The following NR4A2 variants were observed in gnomAD, a reference collection of about 807,000 sequenced individuals.
NR4A2 encodes the protein NGFI-B/nur77 beta-type transcription factor homolog.
In NR4A2, 1 loss-of-function variant was observed where a neutral mutation model predicts 50.5. The observed-to-expected ratio is 0.02, with a 90% confidence interval of 0.01 to 0.09. The LOEUF is 0.09. Among genes scored for constraint, NR4A2 ranks in the 10% least tolerant of loss-of-function variants. The pLI is 1.00. For missense variants in NR4A2, 613 were observed against 777.3 expected, an observed-to-expected ratio of 0.79 and a Z score of 2.51; for synonymous variants, 328 against 309.4, an observed-to-expected ratio of 1.06 and a Z score of -0.63.
chr2:156,326,827 G>C lies in NR4A2; in HGVS notation c.1252C>G (p.Arg418Gly). 6.2e-7 allele frequency: 1 copy of C among 1,614,232 alleles called. No homozygotes were observed. Among genetic ancestry groups the C allele is most frequent in the Non-Finnish European group, 8.5e-7 (1 of 1,180,032 alleles). The change falls in exon 6 of 8, where the codon CGG (arginine) becomes GGG (glycine). Residue 418 changes from arginine to glycine, a missense_variant. Arg to Gly is a moderately radical substitution (Grantham distance 125, BLOSUM62 -2). Coordinates refer to ENST00000339562, the MANE Select transcript of NR4A2 (RefSeq NM_006186.4). This position sits in a 1 kb window ranked among gnomAD's most constrained non-coding sequence, Gnocchi z 4.2. Reference sequence around the variant, plus strand: ...CCAGGGATCTTCTCTGCCCAGCCCCGGATGATCTCCATGGAGCCAGTCAGG... The same window carrying C: ...CCAGGGATCTTCTCTGCCCAGCCCCCGATGATCTCCATGGAGCCAGTCAGG... Reference protein sequence around the residue: ...DLLTGSMEIIRGWAEKIPGFA... With the variant: ...DLLTGSMEIIGGWAEKIPGFA...
At position 156,325,630 on chromosome 2, in the gene NR4A2, G is replaced by T. The variant is rs963921571; in HGVS notation, c.*114C>A. 70 of 1,321,766 alleles carry T rather than the reference G, an allele frequency of 5.3e-5. No homozygotes were observed. The highest frequency in any genetic ancestry group is 6.9e-5 in the Non-Finnish European group (63 of 916,244). 81.9% of individuals were successfully genotyped at this position (1,321,766 alleles called of 1,614,324 possible). A position where few individuals can be genotyped will look rare whatever the true frequency, so the allele number is the denominator to read the frequency against. Reference sequence around the variant, plus strand: ...AGGGGGCTAGGAGGGTTACAGAAATGGGGGGCAGCTTGAGCTGAGACTGCT... The same window carrying T: ...AGGGGGCTAGGAGGGTTACAGAAATTGGGGGCAGCTTGAGCTGAGACTGCT... On this transcript the variant is annotated 3_prime_UTR_variant, in exon 8 of 8. Transcript: ENST00000339562.
Position 156,328,579 on chromosome 2 carries a change from A to G in NR4A2, c.865-46T>C. ...GACCAACATTTTTTTTCTTCTTTTG[A>G]AAATCAGGCAACTCGGAGAAAATTT... On this transcript the variant is annotated intron_variant, in intron 3 of 7. Coordinates refer to ENST00000339562, the MANE Select transcript of NR4A2 (RefSeq NM_006186.4). This position sits in a 1 kb window ranked among gnomAD's most constrained non-coding sequence, Gnocchi z 4.9. 1 of 1,613,432 alleles carries G rather than the reference A, an allele frequency of 6.2e-7. No individual in the cohort carries two copies. The highest frequency in any genetic ancestry group is 1.3e-5 in the African/African-American group (1 of 75,028).
rs1157293142 is a variant in NR4A2 at position 156,324,697 on chromosome 2, A to T, written c.*1047T>A. On this transcript the variant is annotated 3_prime_UTR_variant, in exon 8 of 8. Coordinates refer to ENST00000339562, the MANE Select transcript of NR4A2 (RefSeq NM_006186.4). ...TCAAAGTGCTCAGTTATTTCCAGGG[A>T]GTTATGTATATTATAAGCACTCTGG... 6.6e-6 allele frequency: 1 copy of T among 152,618 alleles called. No individual in the cohort carries two copies. The highest frequency in any genetic ancestry group is 2.4e-5 in the African/African-American group (1 of 41,452). 9.5% of individuals were successfully genotyped at this position (152,618 alleles called of 1,614,324 possible).
chr2:156,328,560 C>T lies in NR4A2; in HGVS notation c.865-27G>A. On this transcript the variant is annotated intron_variant, in intron 3 of 7. Coordinates refer to ENST00000339562, the MANE Select transcript of NR4A2 (RefSeq NM_006186.4). The surrounding 1 kb of genome is among the most constrained non-coding windows in gnomAD (Gnocchi z 4.9). ...TGCAAAAGGAGACAATATAGACCAA[C>T]ATTTTTTTTCTTCTTTTGAAAATCA... 2 of 1,614,048 alleles carry T rather than the reference C, an allele frequency of 1.2e-6. No individual in the cohort carries two copies. The highest frequency in any genetic ancestry group is 1.1e-5 in the South Asian group (1 of 91,076).
rs984501010 is a variant in NR4A2 at position 156,327,928 on chromosome 2, G to T, written c.1081C>A (p.Pro361Thr). 1.3e-6 allele frequency: 2 copies of T among 1,595,184 alleles called. No individual in the cohort carries two copies. Among genetic ancestry groups the T allele is most frequent in the Admixed American group, 1.7e-5 (1 of 57,682 alleles). Reference protein sequence around the residue: ...SPQEPSPPSPPVSLISALVRA... With the variant: ...SPQEPSPPSPTVSLISALVRA... ...ACGAGGGCACTGATCAGACTCACCG[G>T]GGGCGAAGGGGGAGAGGGCTCCTGT... Residue 361 changes from proline (P) to threonine (T), a missense_variant, in exon 5 of 8, where the codon CCG (proline) becomes ACG (threonine). Transcript: ENST00000339562.
chr2:156,328,119 C>T lies in NR4A2; in HGVS notation c.995-105G>A. ...CGCAGCCGCGGGGCACCAGGCTGAGCGGCTGAGGGCCCCAGTGCTTGTAAA... is the reference window on the plus strand; with the variant it reads ...CGCAGCCGCGGGGCACCAGGCTGAGTGGCTGAGGGCCCCAGTGCTTGTAAA... On this transcript the variant is annotated intron_variant, in intron 4 of 7. Coordinates refer to ENST00000339562, the MANE Select transcript of NR4A2 (RefSeq NM_006186.4). This position sits in a 1 kb window ranked among gnomAD's most constrained non-coding sequence, Gnocchi z 4.9. The T allele has an allele frequency of 2.1e-6, 3 of 1,441,504 alleles. No homozygotes were observed. Among genetic ancestry groups the T allele is most frequent in the Non-Finnish European group, 2.9e-6 (3 of 1,050,106 alleles). The allele number at this position is 1,441,504 out of a possible 1,614,324, so 89.3% of individuals were successfully genotyped here. A position where few individuals can be genotyped will look rare whatever the true frequency, so the allele number is the denominator to read the frequency against.
Position 156,325,665 on chromosome 2 carries a change from A to G in NR4A2, c.*79T>C. 1 of 1,567,996 alleles carries G rather than the reference A, an allele frequency of 6.4e-7. No individual in the cohort carries two copies. The highest frequency in any genetic ancestry group is 8.8e-7 in the Non-Finnish European group (1 of 1,140,212). On this transcript the variant is annotated 3_prime_UTR_variant, in exon 8 of 8. Transcript: ENST00000339562. Reference sequence around the variant, plus strand: ...TTGAGCTGAGACTGCTCACACGGCTATCTCTGCCCATGTGACTTGCCCCCT... The same window carrying G: ...TTGAGCTGAGACTGCTCACACGGCTGTCTCTGCCCATGTGACTTGCCCCCT...
chr2:156,330,067 G>A lies in NR4A2; in HGVS notation c.120C>T (p.Val40=). 1 of 1,614,180 alleles carries A rather than the reference G, an allele frequency of 6.2e-7. No individual in the cohort carries two copies. Among genetic ancestry groups the A allele is most frequent in the Non-Finnish European group, 8.5e-7 (1 of 1,180,044 alleles). Residue 40 remains valine, a synonymous_variant, in exon 3 of 8, where the codon GTC becomes GTT. Transcript: ENST00000339562. ...YSSDFLTPEF[V]KFSMDLTNTE... is the part of the protein sequence containing the mutation. ...TGTTGGTGAGGTCCATGCTAAACTT[G>A]ACAAACTCTGGAGTTAAGAAATCGG... is the stretch of plus-strand genomic sequence containing the variant.
chr2:156,327,243 C>T lies in NR4A2; in HGVS notation c.1159-323G>A, dbSNP rs781233455. On this transcript the variant is annotated intron_variant, in intron 5 of 7. Transcript: ENST00000339562. ...TCCCAGAGTGGGCCTCGAGCTGAGA[C>T]GCCCTTTTGCAAATCTTAATAAAAT... Among the ~76,000 whole-genome samples the T allele has an allele frequency of 3.9e-5, 6 of 152,142 alleles. No individual in the cohort carries two copies. In the South Asian group the frequency reaches 6.2e-4, roughly 16 times the overall value.
chr2:156,327,738 C>T, intron 5 of NR4A2, 113 bp downstream of exon 5: 4 of 1,332,372 alleles, frequency 3.0e-6, no homozygotes, highest in Non-Finnish European at 4.2e-6. Context: ...GCATATACAG[C>T]CTTGCTTGCC....
In NR4A2 at chr2:156,328,424, G is replaced by A. The variant is rs1011299537; in HGVS notation, c.974C>T (p.Ala325Val). ...CCTACCTTCTTTGACCATCCCAACA[G>A]CCAGGCACTTCTGAAATCGGCAGTA... ...CQYCRFQKCL[A>V]VGMVKEVVRT... Residue 325 changes from alanine to valine, a missense_variant, in exon 4 of 8, where the codon GCT (alanine) becomes GTT (valine). Transcript: ENST00000339562. This position sits in a 1 kb window ranked among gnomAD's most constrained non-coding sequence, Gnocchi z 4.9. The A allele has an allele frequency of 9.9e-6, 16 of 1,614,108 alleles. No homozygotes were observed. Among genetic ancestry groups the A allele is most frequent in the Non-Finnish European group, 1.4e-5 (16 of 1,180,040 alleles).
intron 1 of NR4A2, 72 bp downstream of exon 1, chr2:156,332,408 T>C (rs1016197278): frequency 3.3e-6 from 4 of 1,208,712 alleles, no homozygotes; most frequent in Non-Finnish European, 4.4e-6. Context: ...CCCACACAAG[T>C]GGAAAGAAGA....
In NR4A2 at chr2:156,325,757, G is replaced by C; in HGVS notation, c.1784C>G (p.Thr595Ser). The C allele has an allele frequency of 6.2e-7, 1 of 1,614,132 alleles. No homozygotes were observed. Among genetic ancestry groups the C allele is most frequent in the Non-Finnish European group, 8.5e-7 (1 of 1,180,024 alleles). ...TGGGAGGAGGTCTTAGAAAGGTAAA[G>C]TGTCCAGGAAAAGTTTGTCAATTAT... ...PAIIDKLFLD[T>S]LPF The change falls in exon 8 of 8, where the codon ACT (threonine) becomes AGT (serine). Residue 595 changes from threonine (T) to serine (S), a missense_variant. Coordinates refer to ENST00000339562, the MANE Select transcript of NR4A2 (RefSeq NM_006186.4).
Position 156,325,346 on chromosome 2 carries a change from ATGTG to A in NR4A2, c.*394_*397del, listed in dbSNP as rs989521877. The A allele has an allele frequency of 3.4e-6, 1 of 290,574 alleles. No homozygotes were observed. The highest frequency in any genetic ancestry group is 3.3e-5 in the South Asian group (1 of 30,658). 18.0% of individuals were successfully genotyped at this position (290,574 alleles called of 1,614,324 possible). On this transcript the variant is annotated 3_prime_UTR_variant, in exon 8 of 8. Transcript: ENST00000339562. The stretch of plus-strand genomic sequence containing the variant: ...TCTCTGTGTGTGTGTGTGTGTGTGT[ATGTG>A]TGTGTGTGTTACATTTGTCTGAACT...
In NR4A2 at chr2:156,328,332, C is replaced by G. The variant is rs1043896002; in HGVS notation, c.994+72G>C. 2 of 1,609,802 alleles carry G rather than the reference C, an allele frequency of 1.2e-6. No homozygotes were observed. Among genetic ancestry groups the G allele is most frequent in the Non-Finnish European group, 1.7e-6 (2 of 1,176,756 alleles). On this transcript the variant is annotated intron_variant, in intron 4 of 7. Transcript: ENST00000339562. This position sits in a 1 kb window ranked among gnomAD's most constrained non-coding sequence, Gnocchi z 4.9. ...AGATCCCCAGCACCGGGAAGTGGAA[C>G]GTGATGCTGGAGTATGAGCAGTGGT...
intron 2 of NR4A2, 71 bp downstream of exon 2, chr2:156,330,597 T>A (rs554049290): frequency 5.8e-4 from 815 of 1,393,394 alleles, no homozygotes; most frequent in Non-Finnish European, 7.3e-4. Flanking sequence ...AGTTACAGGG[T>A]TTGCCTTGTC....
Position 156,327,935 on chromosome 2 carries a change from AG to A in NR4A2, c.1073del (p.Pro358LeufsTer5), listed in dbSNP as rs2105602088. The A allele has an allele frequency of 1.3e-6, 2 of 1,597,020 alleles. No individual in the cohort carries two copies. The highest frequency in any genetic ancestry group is 1.1e-5 in the South Asian group (1 of 88,366). On this transcript the variant is annotated frameshift_variant, in exon 5 of 8. Transcript: ENST00000339562. LOFTEE classifies it high-confidence loss of function. ...KPKSPQEPSP[P>X]SPPVSLISAL... ...CACTGATCAGACTCACCGGGGGCGA[AG>A]GGGGAGAGGGCTCCTGTGGGCTCTT...
Position 156,329,216 on chromosome 2 carries a change from C to CCGGGAGAGCTGGGGCTGGGCTA in NR4A2, c.864+85_864+106dup. 6.7e-7 allele frequency: 1 copy of CCGGGAGAGCTGGGGCTGGGCTA among 1,490,014 alleles called. No homozygotes were observed. Among genetic ancestry groups the CCGGGAGAGCTGGGGCTGGGCTA allele is most frequent in the Non-Finnish European group, 9.1e-7 (1 of 1,097,504 alleles). 92.3% of individuals were successfully genotyped at this position (1,490,014 alleles called of 1,614,324 possible). A position where few individuals can be genotyped will look rare whatever the true frequency, so the allele number is the denominator to read the frequency against. On this transcript the variant is annotated intron_variant, in intron 3 of 7. Transcript: ENST00000339562. The surrounding 1 kb of genome is among the most constrained non-coding windows in gnomAD (Gnocchi z 7.5). ...GCGGACCCCGGAGAGCTGGGCAGTC[C>CCGGGAGAGCTGGGGCTGGGCTA]CGGGAGAGCTGGGGCTGGGCTACTG...
chr2:156,329,292 AC>A lies in NR4A2; in HGVS notation c.864+30del. 6.3e-7 allele frequency: 1 copy of A among 1,597,398 alleles called. No individual in the cohort carries two copies. The highest frequency in any genetic ancestry group is 8.5e-7 in the Non-Finnish European group (1 of 1,172,196). On this transcript the variant is annotated intron_variant, in intron 3 of 7. Transcript: ENST00000339562. The surrounding 1 kb of genome is among the most constrained non-coding windows in gnomAD (Gnocchi z 7.5). The stretch of plus-strand genomic sequence containing the variant: ...AGGTCCCGGGCACTAGGGGCTCCCT[AC>A]CTGCCTACTCCGCTCCCGCCATTGC...
Sources: gnomAD v4.1 joint callset for allele counts (sites outside exome capture counted in the v4.1 genomes callset) on GRCh38, gnomAD v4.1.1 for gene constraint, Gnocchi (gnomAD v3.1) non-coding constraint, MANE v1.5 for transcripts, NCBI Gene and HGNC (gene_info 2026-07-23, HGNC 2026-07-21) for gene names.